The following SMAP1 variants were observed in gnomAD, a reference collection of about 807,000 sequenced individuals.
SMAP1 encodes small ArfGAP 1, also known as stromal membrane-associated protein 1.
A neutral mutation model predicts 58.5 loss-of-function variants in SMAP1; 24 were observed. The ratio of observed to expected loss-of-function variants is 0.41; its 90% CI spans 0.30 to 0.58. The LOEUF (loss-of-function observed/expected upper bound fraction) is 0.58. Among genes scored for constraint, SMAP1 ranks in the 20% least tolerant of loss-of-function variants. The pLI, the probability that SMAP1 is intolerant of heterozygous loss-of-function variation, is 0.29. For missense variants in SMAP1, 563 were observed against 566.3 expected, an observed-to-expected ratio of 0.99 and a Z score of 0.06; for synonymous variants, 216 against 196.6, an observed-to-expected ratio of 1.10 and a Z score of -0.82.
chr6:70,731,043 G>A (rs547948589), intron 1 of SMAP1, among the ~76,000 whole-genome samples: 7 of 152,216 alleles, frequency 4.6e-5, no homozygotes, highest in African/African-American at 9.6e-5. Flanking sequence ...CAAGTGATCC[G>A]CCTGCCTTGG....
chr6:70,783,428 A>G (rs1767852226), intron 4 of SMAP1, among the ~76,000 whole-genome samples: 2 of 152,376 alleles, frequency 1.3e-5, no homozygotes, highest in African/African-American at 4.8e-5. Flanking sequence ...GTTCCTCACC[A>G]GCAACGGAAC....
chr6:70,705,394 G>A (rs1047027464), intron 1 of SMAP1, among the ~76,000 whole-genome samples: 3 of 151,950 alleles, frequency 2.0e-5, no homozygotes, highest in African/African-American at 7.3e-5. Flanking sequence ...TGGGATTACA[G>A]GCGCCTGCCA....
chr6:70,701,484 G>C (rs573446188), intron 1 of SMAP1, among the ~76,000 whole-genome samples: 4 of 152,214 alleles, frequency 2.6e-5, no homozygotes, highest in African/African-American at 9.6e-5. Flanking sequence ...GTTTATTTAG[G>C]ACCCTAGAGT....
At chr6:70,833,526 T>C in intron 6 of SMAP1, among the ~76,000 whole-genome samples, 1 of 152,232 alleles carries the variant, frequency 6.6e-6, no homozygotes, top group Non-Finnish European at 1.5e-5. Context: ...GAAATCCATC[T>C]AGAATAGCCA....
intron 6 of SMAP1, among the ~76,000 whole-genome samples, chr6:70,826,950 A>AG (rs1770151844): frequency 6.6e-6 from 1 of 150,796 alleles, no homozygotes; most frequent in Non-Finnish European, 1.5e-5. Context: ...AAAAAAAAAA[A>AG]AAAAAAAAAA....
chr6:70,696,730 A>T (rs151201247), intron 1 of SMAP1, among the ~76,000 whole-genome samples: 1 of 152,302 alleles, frequency 6.6e-6, no homozygotes, highest in African/African-American at 2.4e-5. Flanking sequence ...CTGTTGGATG[A>T]AATGTTTTGC....
chr6:70,732,327 A>C lies in SMAP1; in HGVS notation c.119-51A>C, dbSNP rs765254153. 10 of 1,563,918 alleles carry C rather than the reference A, an allele frequency of 6.4e-6. No homozygotes were observed. The East Asian group carries it at 2.0e-4, about 32-fold the overall frequency. On this transcript the variant is annotated intron_variant, in intron 1 of 10. Coordinates refer to ENST00000370455, the MANE Select transcript of SMAP1 (RefSeq NM_001044305.3). Reference sequence around the variant, plus strand: ...ATGCTTCTAATATGCTGTTATGTTTATTTTTGTTTTTAACATTTGCTTTTT... The same window carrying C: ...ATGCTTCTAATATGCTGTTATGTTTCTTTTTGTTTTTAACATTTGCTTTTT...
At chr6:70,703,085 C>CTTTT (rs958655472) in intron 1 of SMAP1, among the ~76,000 whole-genome samples, 1 of 148,108 alleles carries the variant, frequency 6.8e-6, no homozygotes, top group Admixed American at 6.7e-5. Flanking sequence ...TTTTTCACGA[C>CTTTT]TTTTTTTTTT....
chr6:70,709,085 TTGTG>T (rs55755309), intron 1 of SMAP1, among the ~76,000 whole-genome samples: 3 of 151,042 alleles, frequency 2.0e-5, no homozygotes, highest in Non-Finnish European at 4.4e-5. Context: ...AAGGAGGTTT[TTGTG>T]TGTGTGTGTG....
chr6:70,674,347 G>A (rs1027368318), intron 1 of SMAP1, among the ~76,000 whole-genome samples: 1 of 152,024 alleles, frequency 6.6e-6, no homozygotes, highest in African/African-American at 2.4e-5. Context: ...TCCTGGGTTC[G>A]AGTGATCTGC....
At chr6:70,727,612 A>T (rs1476816371) in intron 1 of SMAP1, among the ~76,000 whole-genome samples, 1 of 152,262 alleles carries the variant, frequency 6.6e-6, no homozygotes, top group African/African-American at 2.4e-5. Flanking sequence ...AAATAAACAC[A>T]TAATAGATAA....
intron 3 of SMAP1, among the ~76,000 whole-genome samples, chr6:70,770,453 T>G (rs112514750): frequency 0.025 from 3,846 of 152,300 alleles, 188 homozygotes; most frequent in African/African-American, 0.089. Context: ...CGTTTCTTTT[T>G]ATTCTTTTTT....
intron 6 of SMAP1, among the ~76,000 whole-genome samples, chr6:70,824,863 G>T (rs894346014): frequency 6.6e-6 from 1 of 152,146 alleles, no homozygotes; most frequent in Non-Finnish European, 1.5e-5. Context: ...GGCTAACACA[G>T]GGAAGTGACA....
chr6:70,747,375 C>T (rs1477753554), intron 2 of SMAP1, among the ~76,000 whole-genome samples: 4 of 152,136 alleles, frequency 2.6e-5, no homozygotes. Flanking sequence ...AAGTAGTGTT[C>T]TGTGACCAGA....
intron 4 of SMAP1, among the ~76,000 whole-genome samples, chr6:70,781,796 T>TA: frequency 6.6e-6 from 1 of 152,340 alleles, no homozygotes; most frequent in South Asian, 2.1e-4. Flanking sequence ...TTGTTCACCT[T>TA]ATTCTTGTAG....
chr6:70,705,566 A>C (rs1362775905), intron 1 of SMAP1, among the ~76,000 whole-genome samples: 1 of 152,158 alleles, frequency 6.6e-6, no homozygotes, highest in Admixed American at 6.6e-5. Flanking sequence ...TGATCTTTTC[A>C]TTGAACTCTT....
intron 4 of SMAP1, among the ~76,000 whole-genome samples, chr6:70,775,723 T>G (rs1490541273): frequency 6.6e-6 from 1 of 152,206 alleles, no homozygotes; most frequent in Non-Finnish European, 1.5e-5. Flanking sequence ...TCTGTTTACT[T>G]CAGTATATAC....
chr6:70,671,978 G>GT (rs1190271089), intron 1 of SMAP1, among the ~76,000 whole-genome samples: 6 of 152,184 alleles, frequency 3.9e-5, no homozygotes, highest in Non-Finnish European at 8.8e-5. Flanking sequence ...GAAACATAAG[G>GT]TTTTTTAACT....
chr6:70,839,466 C>T (rs563315148), intron 7 of SMAP1, among the ~76,000 whole-genome samples: 8 of 152,274 alleles, frequency 5.3e-5, no homozygotes, highest in African/African-American at 1.7e-4. Flanking sequence ...TTATTTCTGT[C>T]ACTCATGGGC....
Sources: allele counts gnomAD v4.1 joint callset (sites outside exome capture counted in the v4.1 genomes callset), GRCh38; gene constraint gnomAD v4.1.1; transcripts MANE v1.5; gene names NCBI Gene and HGNC (gene_info 2026-07-23, HGNC 2026-07-21).